Variants in RALGAPA2 observed in about 807,000 individuals in gnomAD.
RALGAPA2 encodes ral GTPase-activating protein subunit alpha-2.
Under a neutral mutation model 230.4 loss-of-function variants are expected in RALGAPA2, and 139 were observed. The ratio of observed to expected loss-of-function variants is 0.60; its 90% CI spans 0.53 to 0.69. The LOEUF (loss-of-function observed/expected upper bound fraction) is 0.69. Ranked by LOEUF, RALGAPA2 falls within the 30% of genes least tolerant of loss-of-function variation. The pLI is 0.00. For synonymous variants in RALGAPA2, 847 were observed against 837.8 expected, an observed-to-expected ratio of 1.01 and a Z score of -0.19; for missense variants, 2,163 against 2,276.0, an observed-to-expected ratio of 0.95 and a Z score of 1.01.
chr20:20,477,027 T>C (rs539806441), intron 36 of RALGAPA2, among the ~76,000 whole-genome samples: 5 of 152,258 alleles, frequency 3.3e-5, no homozygotes, highest in Non-Finnish European at 1.5e-5. Context: ...AATGAATCAA[T>C]AGGCCCAAAA....
chr20:20,464,863 C>G (rs200211357), intron 37 of RALGAPA2, among the ~76,000 whole-genome samples: 1 of 151,982 alleles, frequency 6.6e-6, no homozygotes, highest in East Asian at 1.9e-4. Flanking sequence ...CCTCTTGAAT[C>G]CTATCTATTT....
At chr20:20,601,121 GAAGAAAAGAA>G (rs754233427) in intron 16 of RALGAPA2, among the ~76,000 whole-genome samples, 2 of 151,774 alleles carry the variant, frequency 1.3e-5, no homozygotes, top group African/African-American at 4.8e-5. Flanking sequence ...AAAGAGAAGA[GAAGAAAAGAA>G]AAGAAAAGAA....
At chr20:20,409,319 A>G (rs1796554253) in intron 38 of RALGAPA2, among the ~76,000 whole-genome samples, 1 of 152,198 alleles carries the variant, frequency 6.6e-6, no homozygotes, top group Non-Finnish European at 1.5e-5. Flanking sequence ...GCTGCTACCA[A>G]TACAGTGCAG....
intron 36 of RALGAPA2, among the ~76,000 whole-genome samples, chr20:20,479,513 T>C (rs930254758): frequency 1.3e-5 from 2 of 152,130 alleles, no homozygotes; most frequent in African/African-American, 2.4e-5. Context: ...CATTAATAGA[T>C]TGAATGAGAA....
In RALGAPA2 at chr20:20,712,620, C is replaced by G. The variant is rs2069941084; in HGVS notation, c.-140G>C. The G allele has an allele frequency of 8.4e-7, 1 of 1,194,138 alleles. No individual in the cohort carries two copies. The highest frequency in any genetic ancestry group is 1.0e-6 in the Non-Finnish European group (1 of 959,946). The allele number at this position is 1,194,138 out of a possible 1,614,324, so 74.0% of individuals were successfully genotyped here. ...CCCGCTGCTGCCGCCGCCGCCGCCG[C>G]CGCCGCCGCCTCAGCTGTGTCTCCA... On this transcript the variant is annotated 5_prime_UTR_variant, in exon 1 of 40. Coordinates refer to ENST00000202677, the MANE Select transcript of RALGAPA2 (RefSeq NM_020343.4). The surrounding 1 kb of genome is among the most constrained non-coding windows in gnomAD (Gnocchi z 5.5).
chr20:20,616,254 C>G, intron 12 of RALGAPA2, 63 bp from the exon 13 acceptor site: 1 of 1,240,406 alleles, frequency 8.1e-7, no homozygotes, highest in South Asian at 1.8e-5. Flanking sequence ...ATAAATTTTG[C>G]TTACAGATAT....
chr20:20,615,492 A>AT (rs2066112792), intron 13 of RALGAPA2, among the ~76,000 whole-genome samples: 1 of 152,198 alleles, frequency 6.6e-6, no homozygotes, highest in African/African-American at 2.4e-5. Context: ...AGGAAAAAAA[A>AT]ATCTAATGCA....
At chr20:20,668,862 T>C (rs1240977329) in intron 3 of RALGAPA2, among the ~76,000 whole-genome samples, 3 of 152,148 alleles carry the variant, frequency 2.0e-5, no homozygotes, top group Non-Finnish European at 2.9e-5. Flanking sequence ...GACAGAGCAC[T>C]TCCACAGAGT....
At position 20,695,775 on chromosome 20, in the gene RALGAPA2, A is replaced by G. The variant is rs188265669; in HGVS notation, c.107-14974T>C. 8.6e-3 allele frequency among the ~76,000 whole-genome samples: 1,308 copies of G among 152,316 alleles called. 12 individuals carry two copies. The highest frequency in any genetic ancestry group is 0.014 in the Non-Finnish European group (946 of 68,022). The stretch of plus-strand genomic sequence containing the variant: ...CTTTGCAATTAACACTGAGCCAAAG[A>G]TTAAGATTCCCTCAGGTCTTTCCAT... On this transcript the variant is annotated intron_variant, in intron 1 of 39. Coordinates refer to ENST00000202677, the MANE Select transcript of RALGAPA2 (RefSeq NM_020343.4).
At chr20:20,545,215 TTTC>T (rs2063748809) in intron 24 of RALGAPA2, among the ~76,000 whole-genome samples, 1 of 152,268 alleles carries the variant, frequency 6.6e-6, no homozygotes, top group Non-Finnish European at 1.5e-5. Flanking sequence ...ATTCAACATT[TTTC>T]TTCTTCTACT....
intron 38 of RALGAPA2, among the ~76,000 whole-genome samples, chr20:20,409,276 T>A (rs148734385): frequency 6.6e-6 from 1 of 152,240 alleles, no homozygotes; most frequent in Non-Finnish European, 1.5e-5. Context: ...GCTTTCCCTC[T>A]AGAAGTGGGG....
chr20:20,536,578 C>A, intron 25 of RALGAPA2, 78 bp downstream of exon 25: 1 of 1,476,920 alleles, frequency 6.8e-7, no homozygotes, highest in Non-Finnish European at 9.2e-7. Flanking sequence ...GATTAATATA[C>A]ACTAATGGAA....
chr20:20,539,986 C>T (rs1373693542), intron 24 of RALGAPA2, among the ~76,000 whole-genome samples: 2 of 152,230 alleles, frequency 1.3e-5, no homozygotes, highest in Non-Finnish European at 2.9e-5. Context: ...ATATGTACCA[C>T]ATTTCCTTTA....
At chr20:20,614,877 T>A (rs908103959) in intron 13 of RALGAPA2, among the ~76,000 whole-genome samples, 1 of 151,978 alleles carries the variant, frequency 6.6e-6, no homozygotes. Context: ...TGGTTTCAGG[T>A]AGGAAAGGTG....
At chr20:20,507,812 T>C (rs62202176) in intron 33 of RALGAPA2, among the ~76,000 whole-genome samples, 1 of 152,160 alleles carries the variant, frequency 6.6e-6, no homozygotes, top group Non-Finnish European at 1.5e-5. Flanking sequence ...CTATAAAAAT[T>C]TGGGCACTTG....
intron 20 of RALGAPA2, among the ~76,000 whole-genome samples, chr20:20,579,136 T>C (rs968985196): frequency 1.3e-5 from 2 of 152,152 alleles, no homozygotes; most frequent in Non-Finnish European, 2.9e-5. Flanking sequence ...AAAATTTCTG[T>C]AACATTTGGA....
chr20:20,455,532 G>A (rs915295575), intron 37 of RALGAPA2, among the ~76,000 whole-genome samples: 2 of 152,182 alleles, frequency 1.3e-5, no homozygotes, highest in African/African-American at 2.4e-5. Context: ...AGCCTAGGAC[G>A]GGCATTCCTA....
At chr20:20,467,306 C>T (rs1182883705) in intron 37 of RALGAPA2, among the ~76,000 whole-genome samples, 1 of 152,188 alleles carries the variant, frequency 6.6e-6, no homozygotes, top group Non-Finnish European at 1.5e-5. Context: ...GTTCCGGATA[C>T]TTTGTCAACA....
At chr20:20,463,102 A>C (rs2061339661) in intron 37 of RALGAPA2, among the ~76,000 whole-genome samples, 1 of 152,030 alleles carries the variant, frequency 6.6e-6, no homozygotes, top group African/African-American at 2.4e-5. Flanking sequence ...CCCTTTCCAG[A>C]ATAGGAGGAT....
Sources: allele counts gnomAD v4.1 joint callset (sites outside exome capture counted in the v4.1 genomes callset), GRCh38; gene constraint gnomAD v4.1.1; non-coding constraint Gnocchi (gnomAD v3.1); transcripts MANE v1.5; gene names NCBI Gene and HGNC (gene_info 2026-07-23, HGNC 2026-07-21).